Variants in CNTN3 observed in about 807,000 individuals in gnomAD.
The protein encoded by CNTN3 is contactin 3.
Under a neutral mutation model 119.1 loss-of-function variants are expected in CNTN3, and 60 were observed. The ratio of observed to expected loss-of-function variants is 0.50; its 90% CI spans 0.41 to 0.62. The LOEUF (loss-of-function observed/expected upper bound fraction) is 0.62. Among genes scored for constraint, CNTN3 ranks in the 20% least tolerant of loss-of-function variants. The probability of loss-of-function intolerance (pLI) is 0.00; values close to 1 mark genes in which losing one functional copy is unlikely to be tolerated. For synonymous variants in CNTN3, 450 were observed against 438.7 expected, an observed-to-expected ratio of 1.03 and a Z score of -0.32; for missense variants, 1,101 against 1,242.4, an observed-to-expected ratio of 0.89 and a Z score of 1.71.
intron 1 of CNTN3, among the ~76,000 whole-genome samples, chr3:74,554,708 C>A (rs1388026764): frequency 6.6e-6 from 1 of 152,138 alleles, no homozygotes; most frequent in African/African-American, 2.4e-5. Context: ...CATGATTTGG[C>A]TCTCTGCCTG....
At chr3:74,523,833 G>C (rs938732045) in intron 1 of CNTN3, among the ~76,000 whole-genome samples, 1 of 151,734 alleles carries the variant, frequency 6.6e-6, no homozygotes, top group African/African-American at 2.4e-5. Context: ...TTATAAATAA[G>C]GAGTAAATTA....
rs201373325 is a variant in CNTN3 at position 74,486,219 on chromosome 3, CACA to C, written c.358+234_358+236del. Among the ~76,000 whole-genome samples, 417 of 151,762 alleles carry C rather than the reference CACA, an allele frequency of 2.7e-3. 3 individuals carry two copies. The highest frequency in any genetic ancestry group is 9.6e-3 in the African/African-American group (399 of 41,366). ...AATAGAGCACACACACACACACACA[CACA>C]CCCCTACATGCACACATGCACACCA... On this transcript the variant is annotated intron_variant, in intron 4 of 22. Coordinates refer to ENST00000263665, the MANE Select transcript of CNTN3 (RefSeq NM_020872.3).
intron 4 of CNTN3, among the ~76,000 whole-genome samples, chr3:74,454,807 A>C (rs1702234358): frequency 6.6e-6 from 1 of 151,788 alleles, no homozygotes; most frequent in African/African-American, 2.4e-5. Context: ...CTGGGTTGAA[A>C]ATTCTTTTAA....
chr3:74,418,181 C>T (rs1204270733), intron 5 of CNTN3, among the ~76,000 whole-genome samples: 1 of 151,930 alleles, frequency 6.6e-6, no homozygotes, highest in Non-Finnish European at 1.5e-5. Flanking sequence ...AGCCAGAAAG[C>T]ATATTCTTAA....
intron 1 of CNTN3, among the ~76,000 whole-genome samples, chr3:74,564,860 A>G (rs1421470399): frequency 6.6e-6 from 1 of 152,050 alleles, no homozygotes; most frequent in African/African-American, 2.4e-5. Flanking sequence ...AAGAACTCCA[A>G]AGATACCGAC....
At chr3:74,569,026 G>A (rs2106646203) in intron 1 of CNTN3, among the ~76,000 whole-genome samples, 1 of 152,298 alleles carries the variant, frequency 6.6e-6, no homozygotes, top group African/African-American at 2.4e-5. Flanking sequence ...GAATTTAAGA[G>A]CAGTGCTCTG....
At position 74,295,178 on chromosome 3, in the gene CNTN3, C is replaced by G; in HGVS notation, c.2460G>C (p.Glu820Asp). ...TCCAAGGAATGGTGTTCCATGAAAC[C>G]TCAATTTCTGAGGAAGATAGGCTAT... ...SANSLSSSEI[E>D]VSWNTIPWKL... Residue 820 changes from glutamate to aspartate, a missense_variant, in exon 19 of 23, where the codon GAG becomes GAC. Physicochemically the swap from Glu to Asp is conservative, Grantham distance 45. Coordinates refer to ENST00000263665, the MANE Select transcript of CNTN3 (RefSeq NM_020872.3). The G allele has an allele frequency of 6.2e-7, 1 of 1,613,490 alleles. No homozygotes were observed. Among genetic ancestry groups the G allele is most frequent in the East Asian group, 2.2e-5 (1 of 44,848 alleles).
At chr3:74,488,194 G>GCTCTGCCTCCTGAGCTCACGCCATT (rs1254888472) in intron 3 of CNTN3, among the ~76,000 whole-genome samples, 1 of 151,838 alleles carries the variant, frequency 6.6e-6, no homozygotes, top group Non-Finnish European at 1.5e-5. Flanking sequence ...CTCACGGCAA[G>GCTCTGCCTCCTGAGCTCACGCCATT]CTCTGCCTCC....
intron 13 of CNTN3, among the ~76,000 whole-genome samples, chr3:74,323,461 G>T (rs1703046587): frequency 6.6e-6 from 1 of 152,192 alleles, no homozygotes; most frequent in South Asian, 2.1e-4. Flanking sequence ...GATTTCGAAA[G>T]TTCTGGTTAA....
At chr3:74,497,779 C>G (rs1703090378) in intron 3 of CNTN3, among the ~76,000 whole-genome samples, 1 of 151,626 alleles carries the variant, frequency 6.6e-6, no homozygotes, top group African/African-American at 2.4e-5. Flanking sequence ...CATATAAATG[C>G]CAGGATGACA....
At chr3:74,276,660 A>C (rs1343018961) in intron 20 of CNTN3, among the ~76,000 whole-genome samples, 2 of 152,086 alleles carry the variant, frequency 1.3e-5, no homozygotes, top group African/African-American at 4.8e-5. Flanking sequence ...TCATAGCTCT[A>C]AAAACCGACA....
intron 11 of CNTN3, among the ~76,000 whole-genome samples, chr3:74,359,778 A>G (rs1704039284): frequency 6.6e-6 from 1 of 152,222 alleles, no homozygotes; most frequent in South Asian, 2.1e-4. Context: ...AGCATTGTAC[A>G]AAGCATTGAT....
At position 74,301,680 on chromosome 3, in the gene CNTN3, G is replaced by A. The variant is rs1243341381; in HGVS notation, c.1912C>T (p.Pro638Ser). The A allele has an allele frequency of 6.2e-7, 1 of 1,613,930 alleles. No homozygotes were observed. Among genetic ancestry groups the A allele is most frequent in the Non-Finnish European group, 8.5e-7 (1 of 1,179,988 alleles). ...ACGGTTTGCCAACCCACGGAGAAAG[G>A]TGTCCGAGCCTGGATAGAATAGGAT... ...VISYSIQARTPFSVGWQTVTT... is the reference protein window; with the variant it reads ...VISYSIQARTSFSVGWQTVTT... Residue 638 changes from proline to serine, a missense_variant, in exon 15 of 23, where the codon CCT becomes TCT. By Grantham distance (74) the Pro-to-Ser change is moderately conservative. Transcript: ENST00000263665.
intron 2 of CNTN3, among the ~76,000 whole-genome samples, chr3:74,508,433 G>A (rs1031258066): frequency 6.6e-6 from 1 of 152,108 alleles, no homozygotes; most frequent in African/African-American, 2.4e-5. Context: ...CTGGAACTAT[G>A]GGGTGCGGAG....
chr3:74,539,702 A>G (rs1284028861), intron 1 of CNTN3, among the ~76,000 whole-genome samples: 2 of 152,092 alleles, frequency 1.3e-5, no homozygotes, highest in African/African-American at 4.8e-5. Context: ...CTATTTTCAC[A>G]TTTGAGCTTA....
At chr3:74,546,577 C>T (rs954287407) in intron 1 of CNTN3, among the ~76,000 whole-genome samples, 1 of 152,130 alleles carries the variant, frequency 6.6e-6, no homozygotes, top group Admixed American at 6.5e-5. Context: ...TGTGCTGGAT[C>T]CTTCCTGCTC....
Position 74,372,480 on chromosome 3 carries a change from G to A in CNTN3, c.455-1081C>T, listed in dbSNP as rs193014817. 2.4e-4 allele frequency among the ~76,000 whole-genome samples: 37 copies of A among 152,044 alleles called. No individual in the cohort carries two copies. The East Asian group carries it at 5.8e-3, about 24-fold the overall frequency. On this transcript the variant is annotated intron_variant, in intron 5 of 22. Transcript: ENST00000263665. ...CAGTGCCAAGTTGAGATTTAAGCAC[G>A]GTTACTGTGGTTGGCTTATTGGCTT...
At chr3:74,558,437 T>A (rs1396788589) in intron 1 of CNTN3, among the ~76,000 whole-genome samples, 1 of 152,140 alleles carries the variant, frequency 6.6e-6, no homozygotes, top group Non-Finnish European at 1.5e-5. Flanking sequence ...TATCTACATA[T>A]CCCTAAGCTA....
chr3:74,522,962 C>T (rs6795870), intron 1 of CNTN3, among the ~76,000 whole-genome samples: 151,394 of 151,778 alleles, frequency 1, 75,507 homozygotes, highest in Middle Eastern at 1. Context: ...GCCAAAATTA[C>T]TGAATAATTT....
Sources: allele counts gnomAD v4.1 joint callset (sites outside exome capture counted in the v4.1 genomes callset), GRCh38; gene constraint gnomAD v4.1.1; transcripts MANE v1.5; gene names NCBI Gene and HGNC (gene_info 2026-07-23, HGNC 2026-07-21).